PCDHA7: variants seen among roughly 807,000 people sequenced by gnomAD.
PCDHA7 encodes protocadherin alpha 7.
A neutral mutation model predicts 57.2 loss-of-function variants in PCDHA7; 37 were observed. The ratio of observed to expected loss-of-function variants is 0.65; its 90% CI spans 0.50 to 0.85. The LOEUF is 0.85. PCDHA7 is among the 40% of genes least tolerant of loss of function. The pLI is 0.00. For synonymous variants in PCDHA7, 553 were observed against 558.8 expected, an observed-to-expected ratio of 0.99 and a Z score of 0.15; for missense variants, 1,188 against 1,241.8, an observed-to-expected ratio of 0.96 and a Z score of 0.65.
intron 1 of PCDHA7, among the ~76,000 whole-genome samples, chr5:140,846,323 T>G (rs2150386920): frequency 0.12 from 17,165 of 148,320 alleles, 3,122 homozygotes; most frequent in African/African-American, 0.34. Flanking sequence ...TAGAGTGTTG[T>G]AAATAGCCTT....
chr5:140,873,464 T>C (rs904556302), intron 1 of PCDHA7, among the ~76,000 whole-genome samples: 1 of 152,214 alleles, frequency 6.6e-6, no homozygotes, highest in Non-Finnish European at 1.5e-5. Context: ...TTTTAGATAA[T>C]TCAAATTACT....
At chr5:140,858,042 T>C in intron 1 of PCDHA7, 1 of 1,597,284 alleles carries the variant, frequency 6.3e-7, no homozygotes, top group Non-Finnish European at 8.6e-7. Context: ...GCCACTGTGC[T>C]TGTGTCGCTT....
chr5:140,982,882 C>A (rs1554244920), intron 3 of PCDHA7, among the ~76,000 whole-genome samples: 1 of 151,972 alleles, frequency 6.6e-6, no homozygotes, highest in African/African-American at 2.4e-5. Flanking sequence ...CCAAGCCATG[C>A]AGAGAAGATC....
chr5:141,008,540 T>C (rs1435875214), intron 3 of PCDHA7, among the ~76,000 whole-genome samples: 2 of 152,190 alleles, frequency 1.3e-5, no homozygotes, highest in African/African-American at 4.8e-5. Context: ...ATGTCTTTTA[T>C]TGAAAACTCC....
At position 140,852,434 on chromosome 5, in the gene PCDHA7, C is replaced by T. The variant is rs2150516775; in HGVS notation, c.2355+15696C>T. On this transcript the variant is annotated intron_variant, in intron 1 of 3. Transcript: ENST00000525929. ...CTGGGATTATAGGCACATGCCACCG[C>T]GCCCAGCTAATTTTTGTATTTTTAG... 6.7e-4 allele frequency: 121 copies of T among 181,038 alleles called. 6 individuals carry two copies. The highest frequency in any genetic ancestry group is 3.4e-4 in the Admixed American group (5 of 14,894). The allele number at this position is 181,038 out of a possible 1,614,324, so 11.2% of individuals were successfully genotyped here. A position where few individuals can be genotyped will look rare whatever the true frequency, so the allele number is the denominator to read the frequency against.
chr5:140,848,547 C>G, intron 1 of PCDHA7: 1 of 1,595,512 alleles, frequency 6.3e-7, no homozygotes, highest in Non-Finnish European at 8.6e-7. Flanking sequence ...ACTGCTCTCG[C>G]TTCTGATCCT....
chr5:140,925,124 A>AGGAAGGAAGGAAGGAAGGAAGG, intron 1 of PCDHA7, among the ~76,000 whole-genome samples: 1 of 151,856 alleles, frequency 6.6e-6, no homozygotes, highest in South Asian at 2.1e-4. Flanking sequence ...GAAGGAAGGA[A>AGGAAGGAAGGAAGGAAGGAAGG]AAAAAATTTC....
chr5:140,961,385 T>G (rs1480607533), intron 1 of PCDHA7, among the ~76,000 whole-genome samples: 3 of 152,204 alleles, frequency 2.0e-5, no homozygotes, highest in Non-Finnish European at 4.4e-5. Flanking sequence ...GTTTGAACTA[T>G]TCCATTAGTA....
At chr5:140,899,423 G>A (rs2067323431) in intron 1 of PCDHA7, among the ~76,000 whole-genome samples, 1 of 152,134 alleles carries the variant, frequency 6.6e-6, no homozygotes. Context: ...TTTGTCAAAG[G>A]TCTTTTCTGC....
chr5:140,987,636 C>A (rs569411440), intron 3 of PCDHA7, among the ~76,000 whole-genome samples: 1 of 152,256 alleles, frequency 6.6e-6, no homozygotes, highest in African/African-American at 2.4e-5. Context: ...TGAGATAATG[C>A]ACACATATTG....
intron 3 of PCDHA7, among the ~76,000 whole-genome samples, chr5:141,008,171 G>A (rs1441350888): frequency 6.6e-6 from 1 of 152,148 alleles, no homozygotes; most frequent in African/African-American, 2.4e-5. Flanking sequence ...GGACTAAAAT[G>A]TGACCATTGA....
chr5:140,858,881 T>A (rs1466953448), intron 1 of PCDHA7: 7 of 242,834 alleles, frequency 2.9e-5, no homozygotes, highest in Non-Finnish European at 5.6e-5. Flanking sequence ...TTTTCCTCCA[T>A]GTGTAGAATA....
At chr5:140,897,694 G>A (rs1091552) in intron 1 of PCDHA7, among the ~76,000 whole-genome samples, 2,266 of 152,206 alleles carry the variant, frequency 0.015, 53 homozygotes, top group African/African-American at 0.052. Context: ...AGTCCTTTGG[G>A]CATATACCCA....
rs1475078197 is a variant in PCDHA7, at chr5:140,845,480, C to A, written c.2355+8742C>A. On this transcript the variant is annotated intron_variant, in intron 1 of 3. Coordinates refer to ENST00000525929, the MANE Select transcript of PCDHA7 (RefSeq NM_018910.3). ...TCTGATATTTGAATTTGGGGTTGTG[C>A]TTTCACAGTGAGAAAGTCTAAACCT... is the stretch of plus-strand genomic sequence containing the variant. 1.3e-5 allele frequency among the ~76,000 whole-genome samples: 2 copies of A among 149,578 alleles called. 1 individual carries two copies. Among genetic ancestry groups the A allele is most frequent in the South Asian group, 4.2e-4 (2 of 4,742 alleles).
chr5:140,985,643 A>G (rs564908892), intron 3 of PCDHA7, among the ~76,000 whole-genome samples: 1 of 151,200 alleles, frequency 6.6e-6, no homozygotes, highest in Non-Finnish European at 1.5e-5. Context: ...TCATCCCAAC[A>G]CTTGCAATGG....
chr5:140,846,051 C>T lies in PCDHA7; in HGVS notation c.2355+9313C>T, dbSNP rs2150384133. Among the ~76,000 whole-genome samples the T allele has an allele frequency of 2.0e-5, 3 of 149,742 alleles. No individual in the cohort carries two copies. In the South Asian group the frequency reaches 6.3e-4, roughly 32 times the overall value. ...TTTAGGAAAGTCAAGTTAACACCAC[C>T]TATGTGGGAAAACAGTTTTTTGGAA... On this transcript the variant is annotated intron_variant, in intron 1 of 3. Coordinates refer to ENST00000525929, the MANE Select transcript of PCDHA7 (RefSeq NM_018910.3).
At position 140,929,021 on chromosome 5, in the gene PCDHA7, G is replaced by C. The variant is rs782118774; in HGVS notation, c.2356-49928G>C. On this transcript the variant is annotated intron_variant, in intron 1 of 3. Coordinates refer to ENST00000525929, the MANE Select transcript of PCDHA7 (RefSeq NM_018910.3). ...TTCGTGTGTACCAAGTTGCACCAGA[G>C]CCCAGGCTGTTGCGCTCAGAGCTGC... is the stretch of plus-strand genomic sequence containing the variant. The C allele has an allele frequency of 2.5e-6, 4 of 1,614,072 alleles. No individual in the cohort carries two copies. The African/African-American group carries it at 5.3e-5, about 22-fold the overall frequency.
At chr5:140,837,012 C>T in intron 1 of PCDHA7, 1 of 303,606 alleles carries the variant, frequency 3.3e-6, no homozygotes, top group South Asian at 7.9e-5. Context: ...AATGGATTCA[C>T]CTTTCTTCTA....
chr5:140,976,933 A>G (rs1554238099), intron 1 of PCDHA7, among the ~76,000 whole-genome samples: 1 of 152,198 alleles, frequency 6.6e-6, no homozygotes, highest in African/African-American at 2.4e-5. Context: ...CTGTGTAGCT[A>G]CTTAAAACAT....
Sources: gnomAD v4.1 joint callset for allele counts (sites outside exome capture counted in the v4.1 genomes callset) on GRCh38, gnomAD v4.1.1 for gene constraint, MANE v1.5 for transcripts, NCBI Gene and HGNC (gene_info 2026-07-23, HGNC 2026-07-21) for gene names.